The following MTFR1 variants were observed in gnomAD, a reference collection of about 807,000 sequenced individuals.
MTFR1 encodes the protein chondrocyte protein with a poly-proline region.
A neutral mutation model predicts 38.8 loss-of-function variants in MTFR1; 28 were observed. The ratio of observed to expected loss-of-function variants is 0.72; its 90% CI spans 0.53 to 0.99. The LOEUF (loss-of-function observed/expected upper bound fraction) is 0.99, where lower values mean the gene tolerates loss of function less well. MTFR1 is among the 50% of genes least tolerant of loss of function. The pLI is 0.00. For synonymous variants in MTFR1, 145 were observed against 137.0 expected, an observed-to-expected ratio of 1.06 and a Z score of -0.41; for missense variants, 358 against 395.5, an observed-to-expected ratio of 0.91 and a Z score of 0.81.
chr8:65,725,965 A>G (rs1226717560), intron 3 of MTFR1, among the ~76,000 whole-genome samples: 4 of 152,206 alleles, frequency 2.6e-5, no homozygotes, highest in African/African-American at 4.8e-5. Context: ...TCATACTCCA[A>G]ATGGTATCCG....
chr8:65,658,625 C>T (rs1440521022), intron 1 of MTFR1, among the ~76,000 whole-genome samples: 6 of 151,992 alleles, frequency 3.9e-5, no homozygotes, highest in Non-Finnish European at 8.8e-5. Flanking sequence ...TGCACATATA[C>T]ACACACACAC....
At chr8:65,730,049 A>G (rs1034557051) in intron 3 of MTFR1, among the ~76,000 whole-genome samples, 11 of 152,058 alleles carry the variant, frequency 7.2e-5, no homozygotes, top group Admixed American at 6.5e-4. Context: ...GGTGCACAGC[A>G]GGAGGTGAGC....
chr8:65,738,831 C>T (rs1414987116), intron 3 of MTFR1, among the ~76,000 whole-genome samples: 2 of 152,186 alleles, frequency 1.3e-5, no homozygotes, highest in African/African-American at 4.8e-5. Context: ...TTTTAGCCTT[C>T]AAAAATTTAG....
At chr8:65,661,160 G>A (rs1328816318) in intron 1 of MTFR1, among the ~76,000 whole-genome samples, 1 of 152,164 alleles carries the variant, frequency 6.6e-6, no homozygotes, top group African/African-American at 2.4e-5. Context: ...TTATTCATTT[G>A]CCTTAACCCA....
chr8:65,757,328 T>C (rs899573234), intron 3 of MTFR1, among the ~76,000 whole-genome samples: 5 of 152,170 alleles, frequency 3.3e-5, no homozygotes, highest in African/African-American at 1.2e-4. Context: ...AAGCCAGGAA[T>C]TGTGGGCAAA....
chr8:65,683,132 CT>C (rs748824241), intron 3 of MTFR1, among the ~76,000 whole-genome samples: 22,912 of 121,438 alleles, frequency 0.19, 1,287 homozygotes, highest in African/African-American at 0.24. Flanking sequence ...TTCTTTCTTT[CT>C]TTTTTTTTTT....
Position 65,757,910 on chromosome 8 carries a change from C to T in MTFR1, c.*49-13037C>T, listed in dbSNP as rs1331257185. The stretch of plus-strand genomic sequence containing the variant: ...GGGATTACAGGTGTGAGCCACCACA[C>T]CCAGCCAACTCCAAGACTTTTAATG... On this transcript the variant is annotated intron_variant, in intron 3 of 3. Coordinates refer to the MTFR1 transcript ENST00000521247. Among the ~76,000 whole-genome samples the T allele has an allele frequency of 1.3e-5, 2 of 152,208 alleles. 1 individual carries two copies.
At chr8:65,698,142 AT>A (rs566832979) in intron 4 of MTFR1, among the ~76,000 whole-genome samples, 416 of 121,362 alleles carry the variant, frequency 3.4e-3, no homozygotes, top group Non-Finnish European at 4.7e-3. Flanking sequence ...TGAGTCCATG[AT>A]TTTTTTTTTT....
intron 3 of MTFR1, among the ~76,000 whole-genome samples, chr8:65,734,477 T>C (rs1385516466): frequency 6.6e-6 from 1 of 152,178 alleles, no homozygotes; most frequent in Non-Finnish European, 1.5e-5. Context: ...TCCTCATTCA[T>C]TCACTGAGTC....
intron 3 of MTFR1, among the ~76,000 whole-genome samples, chr8:65,730,353 T>C (rs1806828369): frequency 6.6e-6 from 1 of 151,226 alleles, no homozygotes; most frequent in Non-Finnish European, 1.5e-5. Flanking sequence ...GCTAATTTTG[T>C]ATTTTTAGTA....
intron 1 of MTFR1, among the ~76,000 whole-genome samples, chr8:65,664,024 C>G (rs972933751): frequency 1.3e-5 from 2 of 151,980 alleles, no homozygotes; most frequent in African/African-American, 4.8e-5. Flanking sequence ...CCATGTTGGC[C>G]AGGCTGGTCT....
At chr8:65,727,397 G>C in intron 3 of MTFR1, 1 of 1,525,996 alleles carries the variant, frequency 6.6e-7, no homozygotes, top group East Asian at 2.4e-5. Flanking sequence ...TGGTAGTGGT[G>C]GTAATCTCCT....
intron 3 of MTFR1, among the ~76,000 whole-genome samples, chr8:65,753,721 T>C (rs1169992806): frequency 1.3e-5 from 2 of 152,194 alleles, no homozygotes; most frequent in Non-Finnish European, 2.9e-5. Context: ...AAGTGGGGTA[T>C]TCAAGTCTTC....
At chr8:65,776,786 C>A in the MTFR1 span, among the ~76,000 whole-genome samples, 16 of 152,178 alleles carry the variant, frequency 1.1e-4, no homozygotes, top group Admixed American at 6.5e-5. Flanking sequence ...TTTCTAAGTA[C>A]ATAACTATGT....
At chr8:65,706,087 T>C (rs1331479262) in intron 5 of MTFR1, among the ~76,000 whole-genome samples, 3 of 152,192 alleles carry the variant, frequency 2.0e-5, no homozygotes, top group African/African-American at 7.2e-5. Flanking sequence ...GAAACCTCAT[T>C]TGACCTGGGC....
At chr8:65,701,808 T>C (rs964422023) in intron 4 of MTFR1, among the ~76,000 whole-genome samples, 1 of 151,954 alleles carries the variant, frequency 6.6e-6, no homozygotes, top group Non-Finnish European at 1.5e-5. Flanking sequence ...CAAGAGTCCA[T>C]AGGAAATACT....
chr8:65,712,102 C>T (rs1805962608), downstream of MTFR1, among the ~76,000 whole-genome samples: 1 of 152,164 alleles, frequency 6.6e-6, no homozygotes, highest in Admixed American at 6.5e-5. Context: ...TAATGGTCAC[C>T]CCTCTTCATT....
intron 3 of MTFR1, among the ~76,000 whole-genome samples, chr8:65,737,193 T>C (rs1448712286): frequency 1.3e-5 from 2 of 152,098 alleles, no homozygotes; most frequent in Non-Finnish European, 2.9e-5. Context: ...ATTCCAGATA[T>C]GCTGCACAAA....
At chr8:65,705,236 A>C (rs763383307) in intron 5 of MTFR1, among the ~76,000 whole-genome samples, 2 of 152,170 alleles carry the variant, frequency 1.3e-5, no homozygotes, top group African/African-American at 4.8e-5. Flanking sequence ...AGGCAGGAGA[A>C]TCTCTTGAAC....
Sources: gnomAD v4.1 joint callset for allele counts (sites outside exome capture counted in the v4.1 genomes callset) on GRCh38, gnomAD v4.1.1 for gene constraint, MANE v1.5 for transcripts, NCBI Gene and HGNC (gene_info 2026-07-23, HGNC 2026-07-21) for gene names.